The following TINAG variants were observed in gnomAD, a reference collection of about 807,000 sequenced individuals.
The protein encoded by TINAG is tubulointerstitial nephritis antigen.
In TINAG, 83 loss-of-function variants were observed where a neutral mutation model predicts 72.7. The ratio of observed to expected loss-of-function variants is 1.14; its 90% CI spans 0.96 to 1.37. The LOEUF is 1.37. Ranked by LOEUF, TINAG falls within the 40% of genes most tolerant of loss-of-function variation. The probability of loss-of-function intolerance (pLI) is 0.00; values close to 1 mark genes in which losing one functional copy is unlikely to be tolerated. For missense variants in TINAG, 685 were observed against 576.6 expected (o/e 1.19, Z -1.93); for synonymous variants, 234 against 189.9 (o/e 1.23, Z -1.91).
chr6:54,360,088 G>C (rs1161292429), intron 9 of TINAG, among the ~76,000 whole-genome samples: 1 of 151,726 alleles, frequency 6.6e-6, no homozygotes, highest in Non-Finnish European at 1.5e-5. Flanking sequence ...TCCTCTTAAG[G>C]AGTTTAGCGG....
intron 1 of TINAG, among the ~76,000 whole-genome samples, chr6:54,313,819 G>C (rs960419702): frequency 6.6e-6 from 1 of 151,926 alleles, no homozygotes; most frequent in Non-Finnish European, 1.5e-5. Context: ...TTCATACATA[G>C]TTTTAAAAGA....
At chr6:54,347,595 G>C (rs1229042451) in intron 6 of TINAG, 78 bp downstream of exon 6, 2 of 1,475,714 alleles carry the variant, frequency 1.4e-6, no homozygotes, top group Non-Finnish European at 1.8e-6. Context: ...ATAATCCCAA[G>C]ATTTTTACAA....
At chr6:54,349,613 C>A in intron 6 of TINAG, 103 bp from the exon 7 acceptor site, 1 of 1,107,734 alleles carries the variant, frequency 9.0e-7, no homozygotes, top group Non-Finnish European at 1.2e-6. Context: ...ATGTAAGTAA[C>A]CAGAATAATT....
intron 8 of TINAG, among the ~76,000 whole-genome samples, chr6:54,354,161 G>A (rs116362791): frequency 6.0e-4 from 91 of 152,008 alleles, no homozygotes; most frequent in African/African-American, 1.9e-3. Context: ...TAAAAGGCTT[G>A]TGGTAAAGCA....
chr6:54,322,148 T>C (rs1269632503), intron 3 of TINAG, among the ~76,000 whole-genome samples: 1 of 151,718 alleles, frequency 6.6e-6, no homozygotes, highest in African/African-American at 2.4e-5. Context: ...CTACTAAAAA[T>C]ACAGAAAAAA....
intron 4 of TINAG, among the ~76,000 whole-genome samples, chr6:54,338,771 A>G (rs529174797): frequency 2.4e-4 from 36 of 151,900 alleles, no homozygotes; most frequent in Non-Finnish European, 3.1e-4. Flanking sequence ...GCTTCACAAT[A>G]AAAATGATAT....
At chr6:54,383,976 G>A (rs1764023741) in intron 10 of TINAG, among the ~76,000 whole-genome samples, 1 of 152,036 alleles carries the variant, frequency 6.6e-6, no homozygotes, top group Non-Finnish European at 1.5e-5. Flanking sequence ...ATGATAGACT[G>A]GATAAAGAAA....
intron 3 of TINAG, among the ~76,000 whole-genome samples, chr6:54,322,900 A>C (rs2150937632): frequency 6.6e-6 from 1 of 152,348 alleles, no homozygotes; most frequent in Middle Eastern, 3.4e-3. Context: ...CAGATTCCTA[A>C]AAGGGTTCAA....
At chr6:54,347,292 A>G in intron 5 of TINAG, 75 bp from the exon 6 acceptor site, 2 of 1,495,198 alleles carry the variant, frequency 1.3e-6, no homozygotes, top group Non-Finnish European at 1.8e-6. Context: ...TTAGGGTTCA[A>G]ACAAAAAGGG....
intron 1 of TINAG, 91 bp downstream of exon 1, chr6:54,308,996 T>C: frequency 9.0e-7 from 1 of 1,108,970 alleles, no homozygotes; most frequent in South Asian, 1.6e-5. Flanking sequence ...CTTTTTTTCC[T>C]TCTTTCAATG....
intron 9 of TINAG, among the ~76,000 whole-genome samples, chr6:54,369,277 A>T (rs1294278193): frequency 6.6e-6 from 1 of 151,902 alleles, no homozygotes; most frequent in Admixed American, 6.6e-5. Flanking sequence ...ACATTCAGTG[A>T]TAGTGAAAAT....
At chr6:54,346,276 G>T (rs1431357570) in intron 5 of TINAG, among the ~76,000 whole-genome samples, 11 of 151,924 alleles carry the variant, frequency 7.2e-5, no homozygotes, top group Non-Finnish European at 1.6e-4. Flanking sequence ...GTTCATCATT[G>T]TAATTTCCAG....
intron 4 of TINAG, among the ~76,000 whole-genome samples, chr6:54,338,748 A>G (rs1434310113): frequency 6.7e-6 from 1 of 148,550 alleles, no homozygotes; most frequent in Non-Finnish European, 1.5e-5. Context: ...AAAAAAGACT[A>G]GTTCATTGAT....
chr6:54,381,170 C>CT (rs150987371), intron 10 of TINAG, among the ~76,000 whole-genome samples: 17 of 143,758 alleles, frequency 1.2e-4, no homozygotes, highest in South Asian at 2.2e-4. Flanking sequence ...TAGGTTAAGG[C>CT]TTTTTTTTTT....
Position 54,321,325 on chromosome 6 carries a change from T to TC in TINAG, c.451dup (p.Gln151ProfsTer12). ...ATGCTCAGGACAGCAATGGAAATGT[T>TC]CCCAGCATGTATGCCTTGTTCGTTC... On this transcript the variant is annotated frameshift_variant, in exon 3 of 11. Coordinates refer to ENST00000259782, the MANE Select transcript of TINAG (RefSeq NM_014464.4). LOFTEE classifies it high-confidence loss of function. The TC allele has an allele frequency of 6.2e-7, 1 of 1,613,842 alleles. No homozygotes were observed. Among genetic ancestry groups the TC allele is most frequent in the Non-Finnish European group, 8.5e-7 (1 of 1,179,838 alleles).
At chr6:54,338,667 T>G in intron 4 of TINAG, among the ~76,000 whole-genome samples, 1 of 132,920 alleles carries the variant, frequency 7.5e-6, no homozygotes, top group Non-Finnish European at 1.5e-5. Context: ...GAGGTTGCAG[T>G]GAGCCTAGAT....
intron 5 of TINAG, among the ~76,000 whole-genome samples, chr6:54,343,726 C>T (rs1246676570): frequency 6.6e-6 from 1 of 150,718 alleles, no homozygotes; most frequent in African/African-American, 2.5e-5. Context: ...ATCCTCATAC[C>T]TTTACTCTTT....
At chr6:54,324,113 A>G (rs1013365853) in intron 3 of TINAG, among the ~76,000 whole-genome samples, 2 of 152,202 alleles carry the variant, frequency 1.3e-5, no homozygotes, top group African/African-American at 4.8e-5. Flanking sequence ...TAGTGGAATA[A>G]AGGGAGATAT....
In TINAG at chr6:54,308,722, A is replaced by C; in HGVS notation, c.172A>C (p.Arg58=). 3 of 1,613,954 alleles carry C rather than the reference A, an allele frequency of 1.9e-6. No homozygotes were observed. The African/African-American group carries it at 4.0e-5, about 22-fold the overall frequency. The change falls in exon 1 of 11, where the codon AGA becomes CGA. Residue 58 remains arginine, a synonymous_variant. Coordinates refer to ENST00000259782, the MANE Select transcript of TINAG (RefSeq NM_014464.4). ...KRAIFQGQYC[R]NFGCCEDRDD... ...AGCCATTTTCCAAGGGCAATACTGT[A>C]GAAATTTTGGCTGTTGTGAAGACAG... is the stretch of plus-strand genomic sequence containing the variant.
Sources: allele counts gnomAD v4.1 joint callset (sites outside exome capture counted in the v4.1 genomes callset), GRCh38; gene constraint gnomAD v4.1.1; transcripts MANE v1.5; gene names NCBI Gene and HGNC (gene_info 2026-07-23, HGNC 2026-07-21).